The following SLMAP variants were observed in gnomAD, a reference collection of about 807,000 sequenced individuals.
SLMAP encodes the protein sarcolemma associated protein, also known as sarcolemmal membrane-associated protein.
Under a neutral mutation model 128.8 loss-of-function variants are expected in SLMAP, and 44 were observed. The observed-to-expected ratio is 0.34, with a 90% CI of 0.27 to 0.44. The LOEUF (loss-of-function observed/expected upper bound fraction) is 0.44, where lower values mean the gene tolerates loss of function less well. Ranked by LOEUF, SLMAP falls within the 20% of genes least tolerant of loss-of-function variation. The probability of loss-of-function intolerance (pLI) is 1.00; values close to 1 mark genes in which losing one functional copy is unlikely to be tolerated. For missense variants in SLMAP, 787 were observed against 985.3 expected, an observed-to-expected ratio of 0.80 and a Z score of 2.69; for synonymous variants, 327 against 348.8, an observed-to-expected ratio of 0.94 and a Z score of 0.70.
intron 2 of SLMAP, among the ~76,000 whole-genome samples, chr3:57,783,170 G>T (rs1249161919): frequency 6.6e-6 from 1 of 152,196 alleles, no homozygotes; most frequent in Non-Finnish European, 1.5e-5. Flanking sequence ...GGAAAAGCCA[G>T]TTGTGGTAAA....
intron 5 of SLMAP, among the ~76,000 whole-genome samples, chr3:57,848,378 TTC>T (rs1340504596): frequency 6.6e-6 from 1 of 150,888 alleles, no homozygotes; most frequent in East Asian, 1.9e-4. Flanking sequence ...TCCTTCTGCC[TTC>T]TTTCTTTTTC....
At chr3:57,888,852 A>G (rs188628569) in intron 14 of SLMAP, among the ~76,000 whole-genome samples, 7 of 152,180 alleles carry the variant, frequency 4.6e-5, no homozygotes, top group African/African-American at 1.7e-4. Flanking sequence ...GACAGCTTAC[A>G]TTATACATCT....
chr3:57,842,477 A>C (rs1388313434), intron 4 of SLMAP, among the ~76,000 whole-genome samples: 1 of 152,170 alleles, frequency 6.6e-6, no homozygotes, highest in Non-Finnish European at 1.5e-5. Flanking sequence ...TTAGCTTTTA[A>C]GAGTTAAGAA....
chr3:57,760,628 C>G (rs949773768), intron 2 of SLMAP, among the ~76,000 whole-genome samples: 13 of 151,742 alleles, frequency 8.6e-5, no homozygotes, highest in Admixed American at 7.9e-4. Flanking sequence ...TGCTGAGGCA[C>G]GAGGGTTGCT....
chr3:57,907,030 T>C (rs1440346117), intron 17 of SLMAP, among the ~76,000 whole-genome samples: 1 of 150,694 alleles, frequency 6.6e-6, no homozygotes, highest in Non-Finnish European at 1.5e-5. Flanking sequence ...TTGTTGCGGT[T>C]TTTTTTTTTC....
intron 17 of SLMAP, among the ~76,000 whole-genome samples, chr3:57,904,042 C>T (rs886120856): frequency 6.6e-6 from 1 of 152,144 alleles, no homozygotes; most frequent in African/African-American, 2.4e-5. Flanking sequence ...AAAAGAATTG[C>T]TCATTAAGTC....
intron 2 of SLMAP, among the ~76,000 whole-genome samples, chr3:57,798,724 A>G (rs2153487668): frequency 6.6e-6 from 1 of 152,344 alleles, no homozygotes; most frequent in South Asian, 2.1e-4. Context: ...TTAAGAGATA[A>G]ATCTGAAAAT....
intron 2 of SLMAP, chr3:57,800,482 G>C (rs1385793484): frequency 6.6e-6 from 1 of 152,186 alleles, no homozygotes; most frequent in Non-Finnish European, 1.5e-5. Context: ...TTTAACATTG[G>C]CAAGATTGCT....
intron 2 of SLMAP, among the ~76,000 whole-genome samples, chr3:57,796,104 T>C (rs2086672093): frequency 6.6e-6 from 1 of 152,220 alleles, no homozygotes; most frequent in Non-Finnish European, 1.5e-5. Context: ...CATAAACATG[T>C]ATTTTAACCA....
intron 3 of SLMAP, among the ~76,000 whole-genome samples, chr3:57,834,971 A>G (rs993195421): frequency 2.0e-5 from 3 of 151,054 alleles, no homozygotes; most frequent in African/African-American, 7.3e-5. Context: ...AAAATGCAAG[A>G]ATCAGCTGGG....
chr3:57,817,903 A>C (rs1240451156), intron 2 of SLMAP, among the ~76,000 whole-genome samples: 1 of 152,180 alleles, frequency 6.6e-6, no homozygotes, highest in East Asian at 1.9e-4. Flanking sequence ...TCTGATTGCT[A>C]TTTTACTATT....
intron 19 of SLMAP, among the ~76,000 whole-genome samples, chr3:57,910,949 T>C (rs1339385784): frequency 6.6e-6 from 1 of 152,234 alleles, no homozygotes. Context: ...ATTTGAGTTA[T>C]TTAAAATTAG....
At chr3:57,818,497 A>G (rs1280367193) in intron 2 of SLMAP, among the ~76,000 whole-genome samples, 1 of 152,200 alleles carries the variant, frequency 6.6e-6, no homozygotes, top group East Asian at 1.9e-4. Context: ...ATAATATAAC[A>G]TCTGCCTCAT....
intron 21 of SLMAP, 95 bp from the exon 22 acceptor site, chr3:57,916,811 C>T (rs1278383156): frequency 2.1e-6 from 2 of 958,514 alleles, no homozygotes; most frequent in African/African-American, 1.6e-5. Context: ...CTGAAATCCA[C>T]TCTATCCCTT....
chr3:57,894,521 G>C (rs552709873), intron 15 of SLMAP, among the ~76,000 whole-genome samples: 1 of 152,032 alleles, frequency 6.6e-6, no homozygotes, highest in African/African-American at 2.4e-5. Flanking sequence ...AGTGAAATCA[G>C]GTCTGTAACA....
chr3:57,855,729 A>C (rs1362946593), intron 6 of SLMAP, among the ~76,000 whole-genome samples: 2 of 150,114 alleles, frequency 1.3e-5, no homozygotes, highest in Non-Finnish European at 3.0e-5. Flanking sequence ...AAAAAAACAA[A>C]AAAAAAAACT....
chr3:57,876,970 C>T (rs1246085130), intron 14 of SLMAP, among the ~76,000 whole-genome samples: 1 of 152,154 alleles, frequency 6.6e-6, no homozygotes, highest in Non-Finnish European at 1.5e-5. Flanking sequence ...ACTGCCCACT[C>T]CCCAAGGGCA....
In SLMAP at chr3:57,870,948, C is replaced by A. The variant is rs138070358; in HGVS notation, c.1238-688C>A. On this transcript the variant is annotated intron_variant, in intron 13 of 24. Transcript: ENST00000671191. The stretch of plus-strand genomic sequence containing the variant: ...GAAAAGAACTGAAACTTTTATTTAA[C>A]CACTATGTTACATTTTTATTGTCTC... Among the ~76,000 whole-genome samples the A allele has an allele frequency of 1.0e-3, 154 of 152,298 alleles. 1 individual carries two copies. Among genetic ancestry groups the A allele is most frequent in the African/African-American group, 3.5e-3 (147 of 41,552 alleles).
At chr3:57,865,184 G>A (rs1292600157) in intron 12 of SLMAP, 58 bp from the exon 13 acceptor site, 2 of 928,876 alleles carry the variant, frequency 2.2e-6, no homozygotes, top group East Asian at 5.4e-5. Flanking sequence ...TTACACTTGA[G>A]ACCACATTTA....
Sources: allele counts gnomAD v4.1 joint callset (sites outside exome capture counted in the v4.1 genomes callset), GRCh38; gene constraint gnomAD v4.1.1; transcripts MANE v1.5; gene names NCBI Gene and HGNC (gene_info 2026-07-23, HGNC 2026-07-21).